The following WDPCP variants were observed in gnomAD, a reference collection of about 807,000 sequenced individuals.
WDPCP encodes the protein WD repeat-containing and planar cell polarity effector protein fritz homolog.
WDPCP carries 71 observed loss-of-function variants against 93.1 expected under a neutral mutation model. That is an observed-to-expected ratio of 0.76 (90% confidence interval 0.63 to 0.93). The LOEUF is 0.93. Among genes scored for constraint, WDPCP ranks in the 40% least tolerant of loss-of-function variants. WDPCP has a pLI of 0.00. For synonymous variants in WDPCP, 315 were observed against 315.0 expected (o/e 1.00, Z 0.00); for missense variants, 844 against 887.4 (o/e 0.95, Z 0.62).
At chr2:63,720,287 T>C (rs1229806265) in intron 2 of WDPCP, among the ~76,000 whole-genome samples, 1 of 151,330 alleles carries the variant, frequency 6.6e-6, no homozygotes, top group African/African-American at 2.4e-5. Context: ...TATGGCGGTG[T>C]GCGCCTGTAG....
intron 2 of WDPCP, among the ~76,000 whole-genome samples, chr2:63,753,303 C>T (rs1669910424): frequency 6.6e-6 from 1 of 152,050 alleles, no homozygotes; most frequent in African/African-American, 2.4e-5. Context: ...ATGGTAGGTG[C>T]CTGTAATCCC....
chr2:63,238,423 TATTC>T (rs1384161252), intron 14 of WDPCP, among the ~76,000 whole-genome samples: 2 of 152,204 alleles, frequency 1.3e-5, no homozygotes, highest in African/African-American at 2.4e-5. Flanking sequence ...AAAAAATTGA[TATTC>T]TATCTAGTAA....
intron 1 of WDPCP, among the ~76,000 whole-genome samples, chr2:63,817,112 A>ATT (rs201959701): frequency 2.1e-4 from 31 of 144,248 alleles, no homozygotes; most frequent in Non-Finnish European, 3.0e-4. Flanking sequence ...GAGCTGCTAC[A>ATT]TTTTTTTTTT....
chr2:63,654,763 T>C (rs116832918), intron 2 of WDPCP, among the ~76,000 whole-genome samples: 2 of 152,344 alleles, frequency 1.3e-5, no homozygotes, highest in African/African-American at 2.4e-5. Context: ...GGATTACCGA[T>C]AATACCTAGT....
intron 17 of WDPCP, among the ~76,000 whole-genome samples, chr2:63,129,713 C>T (rs539171162): frequency 8.5e-5 from 13 of 152,076 alleles, no homozygotes; most frequent in African/African-American, 1.9e-4. Context: ...ATACAGTTGT[C>T]GCTCAGTATT....
chr2:63,227,005 CA>C (rs367969888), intron 14 of WDPCP, among the ~76,000 whole-genome samples: 1 of 151,850 alleles, frequency 6.6e-6, no homozygotes. Flanking sequence ...TAGCTCCAAA[CA>C]CTTCTTTTTT....
chr2:63,539,924 T>C (rs764372372), intron 1 of WDPCP, among the ~76,000 whole-genome samples: 25 of 152,192 alleles, frequency 1.6e-4, no homozygotes, highest in Admixed American at 1.4e-3. Flanking sequence ...TAGTACTTAA[T>C]TTAATAATTT....
At chr2:63,524,357 T>G (rs1703161555) in intron 1 of WDPCP, among the ~76,000 whole-genome samples, 1 of 152,056 alleles carries the variant, frequency 6.6e-6, no homozygotes, top group African/African-American at 2.4e-5. Flanking sequence ...CCAACTATAA[T>G]ACAAGGCTAC....
At chr2:63,325,443 C>T (rs1450984403) in intron 12 of WDPCP, among the ~76,000 whole-genome samples, 1 of 152,190 alleles carries the variant, frequency 6.6e-6, no homozygotes, top group Admixed American at 6.5e-5. Flanking sequence ...GGGAAAGCGC[C>T]AGCTCATGTC....
intron 1 of WDPCP, among the ~76,000 whole-genome samples, chr2:63,581,120 T>C (rs937900929): frequency 1.3e-5 from 2 of 152,132 alleles, no homozygotes; most frequent in African/African-American, 2.4e-5. Context: ...CACCAAAAAG[T>C]AGGAACTAAA....
chr2:63,796,706 G>A (rs755506874), intron 2 of WDPCP, among the ~76,000 whole-genome samples: 2 of 152,224 alleles, frequency 1.3e-5, no homozygotes, highest in African/African-American at 4.8e-5. Flanking sequence ...AGAATTAACC[G>A]AGTTCTTACT....
At chr2:63,671,180 T>C (rs1322721024) in intron 2 of WDPCP, among the ~76,000 whole-genome samples, 1 of 152,130 alleles carries the variant, frequency 6.6e-6, no homozygotes, top group East Asian at 1.9e-4. Context: ...GAGGTGTGCC[T>C]ACTAGACCTC....
At chr2:63,422,166 G>C (rs1352596932) in intron 9 of WDPCP, among the ~76,000 whole-genome samples, 1 of 152,112 alleles carries the variant, frequency 6.6e-6, no homozygotes, top group Non-Finnish European at 1.5e-5. Context: ...TTGGAGAAAT[G>C]ACTAATTCCA....
chr2:63,172,795 G>A (rs533665904), intron 15 of WDPCP, among the ~76,000 whole-genome samples: 6 of 152,246 alleles, frequency 3.9e-5, no homozygotes, highest in African/African-American at 1.4e-4. Context: ...CAGGGAAGAC[G>A]CTATAAAGTA....
intron 2 of WDPCP, among the ~76,000 whole-genome samples, chr2:63,719,341 C>G (rs1669383162): frequency 6.6e-6 from 1 of 152,138 alleles, no homozygotes; most frequent in Non-Finnish European, 1.5e-5. Flanking sequence ...GGGCAAGCGA[C>G]AGTAGTGAGA....
intron 10 of WDPCP, among the ~76,000 whole-genome samples, chr2:63,384,795 T>G (rs1692596117): frequency 6.6e-6 from 1 of 151,098 alleles, no homozygotes; most frequent in Admixed American, 6.6e-5. Context: ...ACAACTCAAA[T>G]TATAAGAGAG....
At chr2:63,776,884 T>A (rs1670312721) in intron 2 of WDPCP, among the ~76,000 whole-genome samples, 1 of 151,996 alleles carries the variant, frequency 6.6e-6, no homozygotes, top group East Asian at 1.9e-4. Flanking sequence ...ATGATCTCAC[T>A]CATACATAAA....
chr2:63,608,223 T>C (rs1709574809), intron 3 of WDPCP, among the ~76,000 whole-genome samples: 1 of 152,098 alleles, frequency 6.6e-6, no homozygotes, highest in Admixed American at 6.5e-5. Flanking sequence ...TCACTGGAGG[T>C]ATTACTTTTT....
At chr2:63,578,940 T>G (rs1432741227) in intron 1 of WDPCP, among the ~76,000 whole-genome samples, 1 of 152,148 alleles carries the variant, frequency 6.6e-6, no homozygotes, top group African/African-American at 2.4e-5. Context: ...ATCTCACAGT[T>G]TGGCTTTCCC....
Sources: allele counts gnomAD v4.1 joint callset (sites outside exome capture counted in the v4.1 genomes callset), GRCh38; gene constraint gnomAD v4.1.1; transcripts MANE v1.5; gene names NCBI Gene and HGNC (gene_info 2026-07-23, HGNC 2026-07-21).